The following SETBP1 variants were observed in gnomAD, a reference collection of about 807,000 sequenced individuals.
The protein encoded by SETBP1 is SET-binding protein.
A neutral mutation model predicts 101.0 loss-of-function variants in SETBP1; 9 were observed. That is an observed-to-expected ratio of 0.09 (90% CI 0.05 to 0.16). The LOEUF (loss-of-function observed/expected upper bound fraction) is 0.16. Among genes scored for constraint, SETBP1 ranks in the 10% least tolerant of loss-of-function variants. The pLI is 1.00. For missense variants in SETBP1, 1,858 were observed against 2,033.8 expected (o/e 0.91, Z 1.66); for synonymous variants, 818 against 788.5 (o/e 1.04, Z -0.63).
intron 2 of SETBP1, among the ~76,000 whole-genome samples, chr18:44,828,467 G>T (rs1937547226): frequency 6.6e-6 from 1 of 152,220 alleles, no homozygotes; most frequent in African/African-American, 2.4e-5. Context: ...GATTTCAGGG[G>T]CAGCTGAGGG....
At chr18:44,877,199 T>A in intron 3 of SETBP1, 1 of 816,508 alleles carries the variant, frequency 1.2e-6, no homozygotes, top group Non-Finnish European at 1.5e-6. Context: ...TGGGATACAT[T>A]TAGAAACTTT....
At chr18:44,764,558 C>T (rs1246176857) in intron 2 of SETBP1, among the ~76,000 whole-genome samples, 2 of 151,964 alleles carry the variant, frequency 1.3e-5, no homozygotes, top group African/African-American at 2.4e-5. Flanking sequence ...TTGCAAGCTC[C>T]GCCTCCTGGG....
chr18:44,985,002 G>T (rs1460194592), intron 4 of SETBP1, among the ~76,000 whole-genome samples: 1 of 152,116 alleles, frequency 6.6e-6, no homozygotes, highest in Non-Finnish European at 1.5e-5. Context: ...CTAGCCAGTC[G>T]TGGTGGCGTG....
intron 2 of SETBP1, among the ~76,000 whole-genome samples, chr18:44,835,778 A>G (rs2144492228): frequency 6.6e-6 from 1 of 152,372 alleles, no homozygotes; most frequent in African/African-American, 2.4e-5. Context: ...CTCTGTGTCC[A>G]CTTGGCAACC....
chr18:44,988,028 T>A (rs2072278057), intron 4 of SETBP1: 1 of 152,166 alleles, frequency 6.6e-6, no homozygotes, highest in East Asian at 1.9e-4. Context: ...ATTCTTAACC[T>A]TTTTTTAAAA....
rs559384724 is a variant in SETBP1 at position 44,789,353 on chromosome 18, G to A, written c.487-79877G>A. Among the ~76,000 whole-genome samples the A allele has an allele frequency of 3.4e-4, 52 of 152,266 alleles. 1 individual carries two copies. The highest frequency in any genetic ancestry group is 2.2e-4 in the Non-Finnish European group (15 of 68,018). ...ATACTTTCCAGCTCAACATCTCTAA[G>A]GTTCTAAACTTTAAAGCTGCATAAA... is the stretch of plus-strand genomic sequence containing the variant. On this transcript the variant is annotated intron_variant, in intron 2 of 5. Coordinates refer to ENST00000649279, the MANE Select transcript of SETBP1 (RefSeq NM_015559.3).
chr18:45,008,328 T>G (rs892486996), intron 4 of SETBP1, among the ~76,000 whole-genome samples: 34 of 152,190 alleles, frequency 2.2e-4, no homozygotes, highest in African/African-American at 8.0e-4. Context: ...AAATGATGTG[T>G]AGTCTTCATC....
chr18:45,054,080 C>CAAAAGCCAA (rs1274504444), intron 5 of SETBP1, among the ~76,000 whole-genome samples: 1 of 152,130 alleles, frequency 6.6e-6, no homozygotes, highest in African/African-American at 2.4e-5. Context: ...TTACAACAAA[C>CAAAAGCCAA]AAAAGCCAAA....
chr18:44,719,713 C>T (rs929184090), intron 2 of SETBP1, among the ~76,000 whole-genome samples: 2 of 152,212 alleles, frequency 1.3e-5, no homozygotes, highest in African/African-American at 4.8e-5. Context: ...TGACAGCTGA[C>T]CTTTGCTCCC....
intron 2 of SETBP1, among the ~76,000 whole-genome samples, chr18:44,776,010 C>G (rs546845189): frequency 6.6e-6 from 1 of 152,142 alleles, no homozygotes; most frequent in African/African-American, 2.4e-5. Flanking sequence ...TGGACAGAGC[C>G]GTTTTAACGT....
At chr18:44,927,898 T>C (rs1410824027) in intron 3 of SETBP1, among the ~76,000 whole-genome samples, 1 of 152,146 alleles carries the variant, frequency 6.6e-6, no homozygotes, top group East Asian at 1.9e-4. Context: ...ATACCTGACA[T>C]TTGTTGAACA....
At chr18:45,005,142 G>C (rs1350166502) in intron 4 of SETBP1, among the ~76,000 whole-genome samples, 1 of 152,138 alleles carries the variant, frequency 6.6e-6, no homozygotes, top group Non-Finnish European at 1.5e-5. Flanking sequence ...ATAATATATA[G>C]GAAGAAAATA....
chr18:44,882,307 GA>G (rs1422892137), intron 3 of SETBP1, among the ~76,000 whole-genome samples: 1 of 152,088 alleles, frequency 6.6e-6, no homozygotes, highest in African/African-American at 2.4e-5. Flanking sequence ...CTCAGTCCAG[GA>G]AGGTGCTAAT....
chr18:44,695,632 A>G (rs2069001874), intron 1 of SETBP1, among the ~76,000 whole-genome samples: 1 of 152,166 alleles, frequency 6.6e-6, no homozygotes, highest in South Asian at 2.1e-4. Flanking sequence ...TCCAGAGCCG[A>G]GGGAGGACTG....
At chr18:44,876,892 T>C in intron 3 of SETBP1, 1 of 1,387,590 alleles carries the variant, frequency 7.2e-7, no homozygotes, top group African/African-American at 1.5e-5. Context: ...TAGCTAGACA[T>C]TCTCTCTGGG....
rs776393214 is a variant in SETBP1, at chr18:44,951,275, G to A, written c.1935G>A (p.Glu645=). Residue 645 remains glutamate (E), a synonymous_variant, in exon 4 of 6, where the codon GAG becomes GAA. Transcript: ENST00000649279. This position sits in a 1 kb window ranked among gnomAD's most constrained non-coding sequence, Gnocchi z 7.8. The part of the protein sequence containing the change: ...LVPGEDKPMS[E]MKFHKKVGKL... Reference sequence around the variant, plus strand: ...CGGGAGAGGACAAACCCATGAGCGAGATGAAATTTCACAAGAAAGTTGGAA... The same window carrying A: ...CGGGAGAGGACAAACCCATGAGCGAAATGAAATTTCACAAGAAAGTTGGAA... 3 of 1,613,754 alleles carry A rather than the reference G, an allele frequency of 1.9e-6. No homozygotes were observed. Among genetic ancestry groups the A allele is most frequent in the Middle Eastern group, 3.3e-4 (2 of 6,062 alleles).
At chr18:44,728,891 C>T (rs1599041536) in intron 2 of SETBP1, among the ~76,000 whole-genome samples, 1 of 152,204 alleles carries the variant, frequency 6.6e-6, no homozygotes, top group Non-Finnish European at 1.5e-5. Flanking sequence ...TGGTTGGGAG[C>T]AGAGGTAAGA....
chr18:44,877,716 C>A (rs938520229), intron 3 of SETBP1, among the ~76,000 whole-genome samples: 2 of 152,166 alleles, frequency 1.3e-5, no homozygotes, highest in Non-Finnish European at 2.9e-5. Context: ...CAGTTTCCTC[C>A]CACAAGTATA....
chr18:44,930,541 A>T (rs1337664013), intron 3 of SETBP1, among the ~76,000 whole-genome samples: 1 of 152,244 alleles, frequency 6.6e-6, no homozygotes, highest in African/African-American at 2.4e-5. Context: ...CTCTGGTAGA[A>T]TTCAGCTGTG....
Sources: allele counts gnomAD v4.1 joint callset (sites outside exome capture counted in the v4.1 genomes callset), GRCh38; gene constraint gnomAD v4.1.1; non-coding constraint Gnocchi (gnomAD v3.1); transcripts MANE v1.5; gene names NCBI Gene and HGNC (gene_info 2026-07-23, HGNC 2026-07-21).